Variants in LRRC20 observed in about 807,000 individuals in gnomAD.
LRRC20 encodes leucine rich repeat containing 20, also known as leucine-rich repeat-containing protein 20.
In LRRC20, 11 loss-of-function variants were observed where a neutral mutation model predicts 14.4. The ratio of observed to expected loss-of-function variants is 0.77; its 90% CI spans 0.48 to 1.27. LRRC20 has a LOEUF of 1.27. Among genes scored for constraint, LRRC20 ranks in the 50% most tolerant of loss-of-function variants. The probability of loss-of-function intolerance (pLI) is 0.00; values close to 1 mark genes in which losing one functional copy is unlikely to be tolerated. For synonymous variants in LRRC20, 121 were observed against 107.3 expected, an observed-to-expected ratio of 1.13 and a Z score of -0.79; for missense variants, 219 against 251.2, an observed-to-expected ratio of 0.87 and a Z score of 0.87.
chr10:70,362,033 A>C (rs1433799169), intron 2 of LRRC20, among the ~76,000 whole-genome samples: 5 of 152,208 alleles, frequency 3.3e-5, no homozygotes, highest in Non-Finnish European at 7.3e-5. Flanking sequence ...CTAAAAATAC[A>C]AAAATTTAGC....
intron 2 of LRRC20, among the ~76,000 whole-genome samples, chr10:70,351,333 A>C (rs930924798): frequency 6.6e-5 from 10 of 152,222 alleles, no homozygotes; most frequent in Admixed American, 2.0e-4. Context: ...CAAACTTGGG[A>C]AACACTGAGT....
At chr10:70,346,633 C>T (rs1048387941) in intron 2 of LRRC20, among the ~76,000 whole-genome samples, 1 of 152,046 alleles carries the variant, frequency 6.6e-6, no homozygotes, top group African/African-American at 2.4e-5. Context: ...ACATAAAAAC[C>T]ATATGCACAT....
At chr10:70,360,104 C>T (rs1460207747) in intron 2 of LRRC20, among the ~76,000 whole-genome samples, 4 of 151,982 alleles carry the variant, frequency 2.6e-5, no homozygotes, top group African/African-American at 9.7e-5. Context: ...TTAGTAGAGA[C>T]GGGGTTTCAC....
At chr10:70,302,862 C>CA (rs1841265312) in intron 4 of LRRC20, among the ~76,000 whole-genome samples, 4 of 152,074 alleles carry the variant, frequency 2.6e-5, no homozygotes, top group Admixed American at 2.0e-4. Flanking sequence ...AGGCGCGCGC[C>CA]ACCATGCCCA....
At chr10:70,313,942 T>A (rs1841760435) in intron 4 of LRRC20, among the ~76,000 whole-genome samples, 1 of 152,140 alleles carries the variant, frequency 6.6e-6, no homozygotes, top group Admixed American at 6.5e-5. Flanking sequence ...GCTGGGTAAC[T>A]TATAAAGAAA....
chr10:70,357,845 C>T (rs1004674932), intron 2 of LRRC20, among the ~76,000 whole-genome samples: 1 of 152,188 alleles, frequency 6.6e-6, no homozygotes, highest in Non-Finnish European at 1.5e-5. Flanking sequence ...AAACAGCAGC[C>T]AGGATGACAC....
intron 2 of LRRC20, among the ~76,000 whole-genome samples, chr10:70,370,877 C>T (rs907227263): frequency 2.0e-5 from 3 of 152,006 alleles, no homozygotes; most frequent in East Asian, 1.9e-4. Flanking sequence ...AAAAATTAGT[C>T]GGTGTAGTAG....
At chr10:70,355,871 G>A (rs1423990911) in intron 2 of LRRC20, among the ~76,000 whole-genome samples, 1 of 123,832 alleles carries the variant, frequency 8.1e-6, no homozygotes, top group Non-Finnish European at 1.7e-5. Context: ...CACGCTCAGA[G>A]GGCTGTGTGG....
rs992383499 is a variant in LRRC20 at position 70,361,362 on chromosome 10, C to T, written c.82+15090G>A. Among the ~76,000 whole-genome samples, 5 of 152,308 alleles carry T rather than the reference C, an allele frequency of 3.3e-5. No individual in the cohort carries two copies. In the South Asian group the frequency reaches 1.0e-3, roughly 32 times the overall value. On this transcript the variant is annotated intron_variant, in intron 2 of 4. Coordinates refer to ENST00000446961, the MANE Select transcript of LRRC20 (RefSeq NM_001278212.2). ...AGTCTCTGCCCTCAGGGAGCTTACG[C>T]CCTAGTGTGGCGAGAAGGCAGTATA... is the stretch of plus-strand genomic sequence containing the variant.
intron 2 of LRRC20, among the ~76,000 whole-genome samples, chr10:70,341,878 C>A (rs762640558): frequency 3.3e-5 from 5 of 152,194 alleles, no homozygotes; most frequent in Non-Finnish European, 5.9e-5. Context: ...GTTACAAAGG[C>A]CTGCATATTG....
chr10:70,301,658 C>T (rs1841189715), intron 4 of LRRC20, 150 bp from the exon 5 acceptor site: 1 of 878,950 alleles, frequency 1.1e-6, no homozygotes, highest in Non-Finnish European at 1.7e-6. Flanking sequence ...GTGCCCAGCC[C>T]TGTGCAAAGG....
At chr10:70,332,870 A>G (rs4747004) in intron 3 of LRRC20, among the ~76,000 whole-genome samples, 11,568 of 152,300 alleles carry the variant, frequency 0.076, 698 homozygotes, top group East Asian at 0.3. Context: ...GGAGTAGAAG[A>G]GCAGACTTAT....
At chr10:70,324,817 C>A (rs3861041) in intron 3 of LRRC20, among the ~76,000 whole-genome samples, 80,270 of 151,940 alleles carry the variant, frequency 0.53, 21,320 homozygotes, top group South Asian at 0.55. Context: ...GGAGGAGGAA[C>A]TGGAGTCCCC....
intron 2 of LRRC20, among the ~76,000 whole-genome samples, chr10:70,367,780 G>A (rs987434703): frequency 6.6e-6 from 1 of 151,750 alleles, no homozygotes; most frequent in Admixed American, 6.6e-5. Flanking sequence ...ACATATGTTT[G>A]TCAGAACTCA....
chr10:70,342,089 A>C (rs1201434815), intron 2 of LRRC20, among the ~76,000 whole-genome samples: 3 of 152,046 alleles, frequency 2.0e-5, no homozygotes, highest in Admixed American at 2.0e-4. Context: ...ACTTGAGGCC[A>C]GGAGTTTGAG....
Position 70,334,642 on chromosome 10 carries a change from G to A in LRRC20, c.232+5911C>T, listed in dbSNP as rs150442791. ...CCTGAGGAACAGAGGGACCCACCCC[G>A]TCCTCACCACCCTGGCCTGTTAGGA... On this transcript the variant is annotated intron_variant, in intron 3 of 4. Transcript: ENST00000446961. 4.8e-3 allele frequency among the ~76,000 whole-genome samples: 726 copies of A among 152,032 alleles called. 4 individuals are homozygous for A. Among genetic ancestry groups the A allele is most frequent in the Middle Eastern group, 0.017 (5 of 294 alleles).
At chr10:70,316,671 T>C (rs1217777725) in intron 4 of LRRC20, among the ~76,000 whole-genome samples, 4 of 152,222 alleles carry the variant, frequency 2.6e-5, no homozygotes, top group African/African-American at 9.6e-5. Context: ...CACCCTCGTG[T>C]CTGGGGGCCA....
At chr10:70,343,280 A>G (rs553222564) in intron 2 of LRRC20, among the ~76,000 whole-genome samples, 1 of 152,280 alleles carries the variant, frequency 6.6e-6, no homozygotes, top group East Asian at 1.9e-4. Context: ...AGAGCATAGT[A>G]CCAGAAGTCC....
At chr10:70,349,501 C>T (rs1487258222) in intron 2 of LRRC20, among the ~76,000 whole-genome samples, 5 of 152,142 alleles carry the variant, frequency 3.3e-5, no homozygotes, top group Admixed American at 1.3e-4. Context: ...TTGCTTGAAC[C>T]GAGGAGGCAG....
Sources: gnomAD v4.1 joint callset for allele counts (sites outside exome capture counted in the v4.1 genomes callset) on GRCh38, gnomAD v4.1.1 for gene constraint, MANE v1.5 for transcripts, NCBI Gene and HGNC (gene_info 2026-07-23, HGNC 2026-07-21) for gene names.